The following CDH13 variants were observed in gnomAD, a reference collection of about 807,000 sequenced individuals.
The protein encoded by CDH13 is cadherin 13.
A neutral mutation model predicts 63.8 loss-of-function variants in CDH13; 24 were observed. The ratio of observed to expected loss-of-function variants is 0.38; its 90% CI spans 0.27 to 0.53. The LOEUF is 0.53. Ranked by LOEUF, CDH13 falls within the 20% of genes least tolerant of loss-of-function variation. The pLI, the probability that CDH13 is intolerant of heterozygous loss-of-function variation, is 0.85. For missense variants in CDH13, 1,049 were observed against 903.1 expected (o/e 1.16, Z -2.07); for synonymous variants, 503 against 355.3 (o/e 1.42, Z -4.67).
chr16:83,789,660 A>T (rs116003449), intron 13 of CDH13, among the ~76,000 whole-genome samples: 19,351 of 151,918 alleles, frequency 0.13, 2,007 homozygotes, highest in African/African-American at 0.29. Flanking sequence ...GAAATTAGCT[A>T]TTAAAGTACA....
intron 7 of CDH13, among the ~76,000 whole-genome samples, chr16:83,539,305 G>A (rs950267913): frequency 4.6e-5 from 7 of 152,068 alleles, no homozygotes; most frequent in South Asian, 2.1e-4. Flanking sequence ...TAGGGTTCAC[G>A]CTTCTATGAG....
chr16:82,836,719 G>A (rs987922244), intron 1 of CDH13, among the ~76,000 whole-genome samples: 1 of 152,130 alleles, frequency 6.6e-6, no homozygotes, highest in Non-Finnish European at 1.5e-5. Context: ...TGCATTCTGT[G>A]GTACACCTGG....
At chr16:83,238,388 T>C (rs186341715) in intron 5 of CDH13, among the ~76,000 whole-genome samples, 201 of 152,240 alleles carry the variant, frequency 1.3e-3, no homozygotes, top group African/African-American at 4.1e-3. Context: ...CTGAGACTTA[T>C]TCACTATCAC....
chr16:82,648,876 G>C (rs767146395), intron 1 of CDH13, among the ~76,000 whole-genome samples: 1 of 152,222 alleles, frequency 6.6e-6, no homozygotes, highest in Non-Finnish European at 1.5e-5. Context: ...CAGTGTGGAA[G>C]ATGGATTGAA....
At chr16:82,700,369 C>A (rs754281152) in intron 1 of CDH13, among the ~76,000 whole-genome samples, 1 of 152,288 alleles carries the variant, frequency 6.6e-6, no homozygotes, top group Non-Finnish European at 1.5e-5. Context: ...ACGTGACCAA[C>A]GTTCTATGCA....
chr16:82,962,832 C>G (rs1228186647), intron 2 of CDH13, among the ~76,000 whole-genome samples: 1 of 152,084 alleles, frequency 6.6e-6, no homozygotes, highest in Non-Finnish European at 1.5e-5. Context: ...GAAATAGAAA[C>G]AAACTTAAAC....
At chr16:82,801,098 G>C (rs778856046) in intron 1 of CDH13, among the ~76,000 whole-genome samples, 1 of 152,132 alleles carries the variant, frequency 6.6e-6, no homozygotes, top group African/African-American at 2.4e-5. Context: ...TTAGACTCTA[G>C]AAAATGTTGG....
At chr16:82,945,401 C>T (rs753286463) in intron 2 of CDH13, among the ~76,000 whole-genome samples, 3 of 151,538 alleles carry the variant, frequency 2.0e-5, no homozygotes, top group Admixed American at 1.3e-4. Context: ...GGATCAAGTA[C>T]GAAATGGATA....
At chr16:83,707,857 A>AAAAAAAAAAAAAAAAAAAAAAAAAAAC (rs1907362666) in intron 10 of CDH13, among the ~76,000 whole-genome samples, 1 of 139,894 alleles carries the variant, frequency 7.1e-6, no homozygotes, top group Non-Finnish European at 1.5e-5. Flanking sequence ...AAAAAAAAAA[A>AAAAAAAAAAAAAAAAAAAAAAAAAAAC]AGAGCTGGGA....
chr16:83,216,416 A>ATATATATATATATG (rs2039519779), intron 4 of CDH13, among the ~76,000 whole-genome samples: 2 of 90,296 alleles, frequency 2.2e-5, no homozygotes, highest in Non-Finnish European at 4.4e-5. Flanking sequence ...ATATATATAT[A>ATATATATATATATG]TATATATATA....
intron 6 of CDH13, among the ~76,000 whole-genome samples, chr16:83,395,712 A>T (rs1477127731): frequency 6.6e-6 from 1 of 152,200 alleles, no homozygotes; most frequent in Middle Eastern, 3.2e-3. Context: ...GATATCACAT[A>T]GTGGTTGAAA....
chr16:83,718,595 G>A (rs965473768), intron 10 of CDH13, among the ~76,000 whole-genome samples: 1 of 151,998 alleles, frequency 6.6e-6, no homozygotes, highest in African/African-American at 2.4e-5. Flanking sequence ...GGTGTTCCTG[G>A]AACCATCGAG....
chr16:83,444,093 T>C (rs961595104), intron 6 of CDH13, among the ~76,000 whole-genome samples: 14 of 145,056 alleles, frequency 9.7e-5, no homozygotes, highest in African/African-American at 2.2e-4. Flanking sequence ...ATGACAATAG[T>C]GAGGTTGATG....
chr16:83,589,023 A>T (rs761903756), intron 7 of CDH13, among the ~76,000 whole-genome samples: 29 of 152,170 alleles, frequency 1.9e-4, no homozygotes, highest in Admixed American at 7.2e-4. Flanking sequence ...ATATTATCCT[A>T]CAGAGCTAGA....
chr16:83,406,895 A>G (rs1230141324), intron 6 of CDH13, among the ~76,000 whole-genome samples: 1 of 152,230 alleles, frequency 6.6e-6, no homozygotes, highest in African/African-American at 2.4e-5. Context: ...GAGATAATGT[A>G]TACAAAGTAT....
chr16:83,758,038 A>AT (rs1913658208), intron 11 of CDH13, among the ~76,000 whole-genome samples: 1 of 152,036 alleles, frequency 6.6e-6, no homozygotes, highest in South Asian at 2.1e-4. Flanking sequence ...CCAAAAAAAA[A>AT]GAAAGAAAAA....
intron 11 of CDH13, among the ~76,000 whole-genome samples, chr16:83,776,702 C>T (rs974950286): frequency 6.6e-6 from 1 of 152,156 alleles, no homozygotes. Flanking sequence ...TTACAAAATC[C>T]GGTTACTTCT....
chr16:83,274,437 G>T (rs1460731943), intron 5 of CDH13, among the ~76,000 whole-genome samples: 2 of 152,146 alleles, frequency 1.3e-5, no homozygotes, highest in East Asian at 3.9e-4. Flanking sequence ...ACCTGCTAGA[G>T]ACCCTCTGCC....
At chr16:82,723,551 C>T (rs897986394) in intron 1 of CDH13, among the ~76,000 whole-genome samples, 2 of 152,072 alleles carry the variant, frequency 1.3e-5, no homozygotes, top group South Asian at 4.2e-4. Flanking sequence ...CTGTCTGCCA[C>T]CTGGAAGAAG....
Sources: allele counts gnomAD v4.1 joint callset (sites outside exome capture counted in the v4.1 genomes callset), GRCh38; gene constraint gnomAD v4.1.1; transcripts MANE v1.5; gene names NCBI Gene and HGNC (gene_info 2026-07-23, HGNC 2026-07-21).